The following CD226 variants were observed in gnomAD, a reference collection of about 807,000 sequenced individuals.
CD226 encodes CD226 molecule.
CD226 carries 24 observed loss-of-function variants against 34.9 expected under a neutral mutation model. The ratio of observed to expected loss-of-function variants is 0.69; its 90% CI spans 0.50 to 0.97. CD226 has a LOEUF of 0.97. CD226 is among the 50% of genes least tolerant of loss of function. The probability of loss-of-function intolerance (pLI) is 0.00; values close to 1 mark genes in which losing one functional copy is unlikely to be tolerated. For missense variants in CD226, 397 were observed against 412.7 expected (o/e 0.96, Z 0.33); for synonymous variants, 148 against 147.4 (o/e 1.00, Z -0.03).
intron 2 of CD226, among the ~76,000 whole-genome samples, chr18:69,911,812 A>G (rs565097792): frequency 6.6e-6 from 1 of 152,308 alleles, no homozygotes; most frequent in South Asian, 2.1e-4. Context: ...AAAATAAAAT[A>G]GAATATGCTC....
chr18:69,941,152 C>T (rs1199520362), intron 2 of CD226, among the ~76,000 whole-genome samples: 1 of 152,240 alleles, frequency 6.6e-6, no homozygotes, highest in Non-Finnish European at 1.5e-5. Context: ...ACAGAAACAC[C>T]TGGGTGTCCA....
At position 69,864,313 on chromosome 18, in the gene CD226, C is replaced by A. The variant is rs1438647592; in HGVS notation, c.*1G>T. 1 of 1,613,708 alleles carries A rather than the reference C, an allele frequency of 6.2e-7. No homozygotes were observed. Among genetic ancestry groups the A allele is most frequent in the South Asian group, 1.1e-5 (1 of 91,064 alleles). ...CTAATGCACTCATGTCAAGAATAAG[C>A]TTAAACTCTAGTCTTTGGTCTGCGA... On this transcript the variant is annotated 3_prime_UTR_variant, in exon 6 of 6. Coordinates refer to ENST00000582621, the MANE Select transcript of CD226 (RefSeq NM_001303618.2).
intron 2 of CD226, among the ~76,000 whole-genome samples, chr18:69,916,749 G>C (rs1468963551): frequency 6.6e-6 from 1 of 152,178 alleles, no homozygotes; most frequent in African/African-American, 2.4e-5. Flanking sequence ...GAACAGACGA[G>C]ATTCTTATAC....
In CD226 at chr18:69,896,023, T is replaced by C; in HGVS notation, c.405A>G (p.Pro135=). The C allele has an allele frequency of 6.2e-7, 1 of 1,609,852 alleles. No individual in the cohort carries two copies. Among genetic ancestry groups the C allele is most frequent in the South Asian group, 1.1e-5 (1 of 91,068 alleles). The change falls in exon 3 of 6, where the codon CCA becomes CCG. Residue 135 remains proline (P), a synonymous_variant. Coordinates refer to ENST00000582621, the MANE Select transcript of CD226 (RefSeq NM_001303618.2). ...VQSDSFEAAV[P]SNSHIVSEPG... The stretch of plus-strand genomic sequence containing the variant: ...GTTCCGAAACAATGTGGCTATTTGA[T>C]GGCACAGCTGCCTCAAAACTATCTG...
chr18:69,932,002 CCT>C (rs1166354332), intron 2 of CD226, among the ~76,000 whole-genome samples: 1 of 152,170 alleles, frequency 6.6e-6, no homozygotes, highest in Non-Finnish European at 1.5e-5. Context: ...TCCAGATGAC[CCT>C]CTGTGTCCTA....
At chr18:69,870,101 C>G (rs1983418058) in intron 4 of CD226, among the ~76,000 whole-genome samples, 1 of 151,714 alleles carries the variant, frequency 6.6e-6, no homozygotes, top group African/African-American at 2.4e-5. Flanking sequence ...CGCACCCAGC[C>G]AAGAGATTTT....
intron 3 of CD226, among the ~76,000 whole-genome samples, chr18:69,889,583 G>A (rs1984765912): frequency 6.6e-6 from 1 of 151,908 alleles, no homozygotes; most frequent in Non-Finnish European, 1.5e-5. Context: ...AGAAATAAAA[G>A]GCCAAGGAAA....
chr18:69,923,627 G>A (rs535977364), intron 2 of CD226, among the ~76,000 whole-genome samples: 2 of 152,164 alleles, frequency 1.3e-5, no homozygotes, highest in Non-Finnish European at 2.9e-5. Context: ...CGATAGAAGT[G>A]ACACATCTGA....
chr18:69,946,647 A>C, intron 2 of CD226, 87 bp downstream of exon 2: 4 of 875,622 alleles, frequency 4.6e-6, no homozygotes, highest in Non-Finnish European at 7.1e-6. Flanking sequence ...ACGAGAAGAC[A>C]TTCTATAGCT....
At position 69,856,690 on chromosome 18, in the gene CD226, C is replaced by T. The variant is rs1482868404; in HGVS notation, c.*7624G>A. On this transcript the variant is annotated 3_prime_UTR_variant, in exon 6 of 6. Transcript: ENST00000582621. The stretch of plus-strand genomic sequence containing the variant: ...CCCAAAATATATAGAGATTAAACAA[C>T]ACATTGTAAATAATTCATGGCTCAA... The T allele has an allele frequency of 3.3e-5, 5 of 151,940 alleles. No homozygotes were observed. Among genetic ancestry groups the T allele is most frequent in the African/African-American group, 4.8e-5 (2 of 41,384 alleles). The allele number at this position is 151,940 out of a possible 1,614,324, so 9.4% of individuals were successfully genotyped here.
chr18:69,882,611 C>T (rs1984329378), intron 3 of CD226, among the ~76,000 whole-genome samples: 1 of 152,192 alleles, frequency 6.6e-6, no homozygotes, highest in Admixed American at 6.5e-5. Context: ...TCTTATACTT[C>T]TTGCACATTT....
chr18:69,854,082 C>A lies in CD226; in HGVS notation c.*10232G>T, dbSNP rs1982547923. 1 of 123,238 alleles carries A rather than the reference C, an allele frequency of 8.1e-6. No homozygotes were observed. Among genetic ancestry groups the A allele is most frequent in the Non-Finnish European group, 1.7e-5 (1 of 58,846 alleles). 7.6% of individuals were successfully genotyped at this position (123,238 alleles called of 1,614,324 possible). A position where few individuals can be genotyped will look rare whatever the true frequency, so the allele number is the denominator to read the frequency against. The stretch of plus-strand genomic sequence containing the variant: ...TGTTAAAATGTTTATACATGGAGAT[C>A]GACTTCTGCCTTTAGTGTCATCATG... On this transcript the variant is annotated 3_prime_UTR_variant, in exon 6 of 6. Transcript: ENST00000582621.
chr18:69,890,688 G>C (rs1984842241), intron 3 of CD226, among the ~76,000 whole-genome samples: 1 of 152,126 alleles, frequency 6.6e-6, no homozygotes, highest in South Asian at 2.1e-4. Flanking sequence ...AAGTAGGAAA[G>C]TGTGAGTGTT....
At chr18:69,937,857 T>A (rs774344881) in intron 2 of CD226, among the ~76,000 whole-genome samples, 1 of 152,164 alleles carries the variant, frequency 6.6e-6, no homozygotes, top group Non-Finnish European at 1.5e-5. Context: ...ATAGGATTCC[T>A]CAGAACTGCC....
chr18:69,895,344 A>G (rs1312712466), intron 3 of CD226, among the ~76,000 whole-genome samples: 1 of 152,202 alleles, frequency 6.6e-6, no homozygotes, highest in Non-Finnish European at 1.5e-5. Context: ...CTAACACCTT[A>G]TCACCACCAT....
chr18:69,945,055 T>C (rs2055772808), intron 2 of CD226, among the ~76,000 whole-genome samples: 1 of 152,232 alleles, frequency 6.6e-6, no homozygotes. Flanking sequence ...CACTATTATG[T>C]CAGATGTCAT....
chr18:69,941,619 T>A (rs1400982443), intron 2 of CD226, among the ~76,000 whole-genome samples: 3 of 152,204 alleles, frequency 2.0e-5, no homozygotes, highest in African/African-American at 7.2e-5. Flanking sequence ...ATTGGTGTAT[T>A]TATCCAATGC....
chr18:69,950,879 C>G (rs530532120), upstream of CD226, among the ~76,000 whole-genome samples: 2 of 151,984 alleles, frequency 1.3e-5, no homozygotes, highest in Non-Finnish European at 2.9e-5. Flanking sequence ...TCACTCCTAG[C>G]AGTACTGTAC....
At chr18:69,907,949 CTGTT>C (rs1455191759) in intron 2 of CD226, among the ~76,000 whole-genome samples, 6 of 151,868 alleles carry the variant, frequency 4.0e-5, no homozygotes, top group African/African-American at 7.2e-5. Flanking sequence ...GTTATAACCT[CTGTT>C]TGTACCCTAT....
Sources: gnomAD v4.1 joint callset for allele counts (sites outside exome capture counted in the v4.1 genomes callset) on GRCh38, gnomAD v4.1.1 for gene constraint, MANE v1.5 for transcripts, NCBI Gene and HGNC (gene_info 2026-07-23, HGNC 2026-07-21) for gene names.